SLC44A5: variants seen among roughly 807,000 people sequenced by gnomAD.
SLC44A5 encodes the protein choline transporter-like protein 5.
In SLC44A5, 57 loss-of-function variants were observed where a neutral mutation model predicts 101.8. The ratio of observed to expected loss-of-function variants is 0.56; its 90% CI spans 0.45 to 0.70. The LOEUF (loss-of-function observed/expected upper bound fraction) is 0.70. Ranked by LOEUF, SLC44A5 falls within the 30% of genes least tolerant of loss-of-function variation. The probability of loss-of-function intolerance (pLI) is 0.00; values close to 1 mark genes in which losing one functional copy is unlikely to be tolerated. For missense variants in SLC44A5, 737 were observed against 853.1 expected (o/e 0.86, Z 1.70); for synonymous variants, 281 against 290.9 (o/e 0.97, Z 0.35).
At chr1:75,391,041 C>T (rs1449013070) in intron 3 of SLC44A5, among the ~76,000 whole-genome samples, 4 of 152,008 alleles carry the variant, frequency 2.6e-5, no homozygotes, top group African/African-American at 9.7e-5. Context: ...CATTTCTGTA[C>T]AGCAGTAACA....
chr1:75,310,805 C>CAA (rs1655236478), intron 4 of SLC44A5, among the ~76,000 whole-genome samples: 1 of 152,046 alleles, frequency 6.6e-6, no homozygotes, highest in Admixed American at 6.5e-5. Context: ...TGTTTCCCAG[C>CAA]AAAACCATGT....
intron 3 of SLC44A5, among the ~76,000 whole-genome samples, chr1:75,371,431 A>C (rs1182529476): frequency 2.6e-5 from 4 of 152,200 alleles, no homozygotes; most frequent in African/African-American, 9.6e-5. Flanking sequence ...ACTCACAGTA[A>C]GTGCTGTAAA....
chr1:75,705,831 AC>A, the SLC44A5 span, among the ~76,000 whole-genome samples: 17 of 151,958 alleles, frequency 1.1e-4, no homozygotes, highest in African/African-American at 4.1e-4. Context: ...CAGGTGCACC[AC>A]CACGCCGGAC....
At chr1:75,431,655 A>C (rs2101597315) in intron 2 of SLC44A5, among the ~76,000 whole-genome samples, 1 of 152,274 alleles carries the variant, frequency 6.6e-6, no homozygotes, top group Non-Finnish European at 1.5e-5. Flanking sequence ...AAATACACTC[A>C]TTGTCTTTTT....
chr1:75,243,818 C>G (rs1648873139), intron 7 of SLC44A5, among the ~76,000 whole-genome samples: 1 of 151,996 alleles, frequency 6.6e-6, no homozygotes, highest in African/African-American at 2.4e-5. Context: ...GCAGCAGCAC[C>G]CTGTTCTTAT....
intron 2 of SLC44A5, among the ~76,000 whole-genome samples, chr1:75,415,197 G>A (rs983330): frequency 0.25 from 38,096 of 152,064 alleles, 5,054 homozygotes; most frequent in African/African-American, 0.33. Context: ...ATCTCACCTT[G>A]CAGCTCCCAT....
intron 2 of SLC44A5, among the ~76,000 whole-genome samples, chr1:75,434,385 C>T (rs138121976): frequency 2.6e-5 from 4 of 152,112 alleles, no homozygotes; most frequent in South Asian, 4.1e-4. Context: ...ATCTCTCTGC[C>T]TCCAATCTCA....
intron 14 of SLC44A5, among the ~76,000 whole-genome samples, chr1:75,221,700 T>C (rs1647084871): frequency 6.6e-6 from 1 of 152,172 alleles, no homozygotes; most frequent in African/African-American, 2.4e-5. Context: ...ATGAAAATAA[T>C]ATTACATGTA....
chr1:75,231,490 T>C (rs1313648132), intron 12 of SLC44A5, among the ~76,000 whole-genome samples: 1 of 152,216 alleles, frequency 6.6e-6, no homozygotes, highest in East Asian at 1.9e-4. Flanking sequence ...CCAATTTCTC[T>C]TTCTTTGCTT....
the SLC44A5 span, among the ~76,000 whole-genome samples, chr1:75,673,259 G>A: frequency 6.6e-6 from 1 of 151,298 alleles, no homozygotes; most frequent in East Asian, 2.0e-4. Context: ...CTTGGGCCTT[G>A]AGTGAATATT....
chr1:75,698,355 G>A, the SLC44A5 span, among the ~76,000 whole-genome samples: 18 of 152,122 alleles, frequency 1.2e-4, no homozygotes, highest in Admixed American at 5.2e-4. Flanking sequence ...CCTGATCCCC[G>A]AGCAGCCTAA....
intron 2 of SLC44A5, among the ~76,000 whole-genome samples, chr1:75,440,597 T>C (rs1179109119): frequency 1.3e-5 from 2 of 152,104 alleles, no homozygotes; most frequent in African/African-American, 2.4e-5. Context: ...ATCAGAGCCA[T>C]CTCGTGATCT....
intron 6 of SLC44A5, 143 bp from the exon 7 acceptor site, chr1:75,251,437 G>A: frequency 1.6e-6 from 1 of 608,124 alleles, no homozygotes; most frequent in East Asian, 2.9e-5. Flanking sequence ...CTCTCCCTTA[G>A]GTACCTAACC....
chr1:75,266,952 G>A (rs1276346229), intron 6 of SLC44A5, among the ~76,000 whole-genome samples: 4 of 152,176 alleles, frequency 2.6e-5, no homozygotes, highest in Non-Finnish European at 4.4e-5. Context: ...CGGTGCGTGC[G>A]GCTGCTTCAG....
intron 2 of SLC44A5, among the ~76,000 whole-genome samples, chr1:75,525,149 G>A (rs1670342523): frequency 1.3e-5 from 2 of 152,174 alleles, no homozygotes; most frequent in East Asian, 1.9e-4. Flanking sequence ...AAAATATTTA[G>A]GTGAAAGATT....
At chr1:75,232,965 C>T (rs1315717056) in intron 12 of SLC44A5, among the ~76,000 whole-genome samples, 2 of 152,126 alleles carry the variant, frequency 1.3e-5, no homozygotes, top group Non-Finnish European at 2.9e-5. Flanking sequence ...TGTCTACTAC[C>T]ATAAAACTGT....
rs772456359 is a variant in SLC44A5 at position 75,218,558 on chromosome 1, G to C, written c.1461C>G (p.Tyr487Ter). The C allele has an allele frequency of 3.7e-6, 6 of 1,613,700 alleles. No individual in the cohort carries two copies. Among genetic ancestry groups the C allele is most frequent in the African/African-American group, 1.3e-5 (1 of 74,902 alleles). ...TGTCATCAGGTTTTTTCATGGCCCA[G>C]TAATAAGTAGCGAATGCACCAGCAA... ...CALAGAFATY[Y>*]WAMKKPDDIP... Residue 487 changes from tyrosine (Y) to a stop codon, truncating the protein, a stop_gained, in exon 17 of 24, where the codon TAC becomes TAG. Transcript: ENST00000370859. LOFTEE classifies it high-confidence loss of function.
chr1:75,260,579 A>T (rs1161146713), intron 6 of SLC44A5, among the ~76,000 whole-genome samples: 2 of 152,102 alleles, frequency 1.3e-5, no homozygotes, highest in African/African-American at 4.8e-5. Flanking sequence ...ATAGTGGGAG[A>T]CTTTAACACC....
chr1:75,500,331 G>A (rs1668889842), intron 2 of SLC44A5, among the ~76,000 whole-genome samples: 1 of 152,182 alleles, frequency 6.6e-6, no homozygotes, highest in African/African-American at 2.4e-5. Flanking sequence ...AGAAATTAAT[G>A]TCTGAGGATC....
Sources: gnomAD v4.1 joint callset for allele counts (sites outside exome capture counted in the v4.1 genomes callset) on GRCh38, gnomAD v4.1.1 for gene constraint, MANE v1.5 for transcripts, NCBI Gene and HGNC (gene_info 2026-07-23, HGNC 2026-07-21) for gene names.